Variants in PREP observed in about 807,000 individuals in gnomAD.
PREP encodes the protein prolyl endopeptidase.
A neutral mutation model predicts 87.6 loss-of-function variants in PREP; 29 were observed. That is an observed-to-expected ratio of 0.33 (90% CI 0.25 to 0.45). The LOEUF (loss-of-function observed/expected upper bound fraction) is 0.45, where lower values mean the gene tolerates loss of function less well. Ranked by LOEUF, PREP falls within the 20% of genes least tolerant of loss-of-function variation. PREP has a pLI of 1.00. For synonymous variants in PREP, 337 were observed against 328.6 expected (o/e 1.03, Z -0.28); for missense variants, 695 against 886.5 (o/e 0.78, Z 2.74).
At chr6:105,370,069 T>C (rs565812708) in intron 5 of PREP, among the ~76,000 whole-genome samples, 2 of 152,012 alleles carry the variant, frequency 1.3e-5, no homozygotes, top group African/African-American at 2.4e-5. Flanking sequence ...CTGACCAACA[T>C]GGTGAAATCC....
intron 2 of PREP, among the ~76,000 whole-genome samples, chr6:105,386,934 CG>C (rs1179505661): frequency 1.3e-5 from 2 of 152,118 alleles, no homozygotes; most frequent in Admixed American, 6.5e-5. Context: ...AAGCTAAGGC[CG>C]GGTGCGGTGT....
chr6:105,279,758 A>G (rs940486072), intron 14 of PREP, among the ~76,000 whole-genome samples: 1 of 152,234 alleles, frequency 6.6e-6, no homozygotes, highest in Non-Finnish European at 1.5e-5. Context: ...CAAGATTTGA[A>G]AACTGAAGAA....
intron 1 of PREP, among the ~76,000 whole-genome samples, chr6:105,402,279 C>T (rs577806321): frequency 1.3e-5 from 2 of 152,288 alleles, no homozygotes; most frequent in African/African-American, 4.8e-5. Flanking sequence ...CTCTGGCATC[C>T]CCAGGGCCCA....
At position 105,293,658 on chromosome 6, in the gene PREP, T is replaced by C. The variant is rs80281014; in HGVS notation, c.1318-4764A>G. On this transcript the variant is annotated intron_variant, in intron 10 of 14. Transcript: ENST00000652536. ...GAAGCTCAGTAAAATAAAGTATGCCTGTACATACAATATACATACGTATAA... is the reference window on the plus strand; with the variant it reads ...GAAGCTCAGTAAAATAAAGTATGCCCGTACATACAATATACATACGTATAA... 8.0e-3 allele frequency among the ~76,000 whole-genome samples: 1,217 copies of C among 151,984 alleles called. 42 individuals carry two copies. The East Asian group carries it at 0.1, about 13-fold the overall frequency.
chr6:105,328,723 G>T, intron 9 of PREP, 106 bp downstream of exon 9: 1 of 1,215,320 alleles, frequency 8.2e-7, no homozygotes, highest in Non-Finnish European at 1.2e-6. Flanking sequence ...CTATAATACA[G>T]CATATGTGAT....
chr6:105,340,787 CAAAG>C (rs1771625282), intron 7 of PREP, among the ~76,000 whole-genome samples: 1 of 152,102 alleles, frequency 6.6e-6, no homozygotes, highest in Admixed American at 6.5e-5. Context: ...TCAAAAGAGA[CAAAG>C]AAGGCCATTA....
Position 105,348,872 on chromosome 6 carries a change from C to T in PREP, c.823+4100G>A, listed in dbSNP as rs190318174. Among the ~76,000 whole-genome samples, 109 of 150,486 alleles carry T rather than the reference C, an allele frequency of 7.2e-4. 1 individual carries two copies. The highest frequency in any genetic ancestry group is 6.8e-3 in the Middle Eastern group (2 of 294). On this transcript the variant is annotated intron_variant, in intron 7 of 14. Transcript: ENST00000652536. ...CCAGCCTGGGTGACAGAGCAAGATT[C>T]CGTCTCAAAAAAAAAAAAAAAAGTA...
At chr6:105,402,658 C>G (rs1773466029) in intron 1 of PREP, among the ~76,000 whole-genome samples, 189 bp downstream of exon 1, 1 of 152,280 alleles carries the variant, frequency 6.6e-6, no homozygotes, top group Admixed American at 6.5e-5. Context: ...GCAGAGTGAC[C>G]GCCCGCGGGA....
chr6:105,396,385 G>C (rs897829721), intron 2 of PREP, among the ~76,000 whole-genome samples: 6 of 152,220 alleles, frequency 3.9e-5, no homozygotes, highest in Non-Finnish European at 8.8e-5. Flanking sequence ...AAGCAGGTGA[G>C]CCAGTGCTTG....
At chr6:105,299,599 TA>T (rs138776434) in intron 10 of PREP, among the ~76,000 whole-genome samples, 1 of 151,944 alleles carries the variant, frequency 6.6e-6, no homozygotes, top group African/African-American at 2.4e-5. Flanking sequence ...ACTCTGTCTT[TA>T]AAAAAAATAC....
intron 10 of PREP, among the ~76,000 whole-genome samples, chr6:105,317,237 T>C (rs111982151): frequency 3.9e-4 from 60 of 152,206 alleles, no homozygotes; most frequent in African/African-American, 1.3e-3. Context: ...GGATTCCAGC[T>C]ATAAGGCACT....
intron 5 of PREP, among the ~76,000 whole-genome samples, chr6:105,373,096 C>CA (rs1430115715): frequency 6.6e-6 from 1 of 152,226 alleles, no homozygotes; most frequent in Non-Finnish European, 1.5e-5. Context: ...AACTAACCTG[C>CA]AGCTGACCAC....
intron 9 of PREP, among the ~76,000 whole-genome samples, chr6:105,327,092 G>C (rs964186955): frequency 6.6e-6 from 1 of 152,128 alleles, no homozygotes; most frequent in African/African-American, 2.4e-5. Context: ...TTAAGAGCAG[G>C]TGAGTCACCC....
chr6:105,370,369 C>A (rs1772503876), intron 5 of PREP, among the ~76,000 whole-genome samples: 1 of 150,084 alleles, frequency 6.7e-6, no homozygotes, highest in Non-Finnish European at 1.5e-5. Flanking sequence ...GAATTCAGAA[C>A]CCTGATAGCA....
intron 10 of PREP, among the ~76,000 whole-genome samples, chr6:105,292,245 G>A (rs193115794): frequency 3.6e-4 from 55 of 152,232 alleles, no homozygotes; most frequent in African/African-American, 1.3e-3. Flanking sequence ...TCAGAGGAAC[G>A]TATGGCAACT....
rs1769868100 is a variant in PREP at position 105,273,470 on chromosome 6, A to G, written c.*4674T>C. On this transcript the variant is annotated 3_prime_UTR_variant, in exon 15 of 15. Transcript: ENST00000652536. ...CCACTAATCTACATTCTATCTTTAT[A>G]GAACTGCCTTTTCAGGATATTTCAC... 6.6e-6 allele frequency: 1 copy of G among 152,198 alleles called. No individual in the cohort carries two copies. The highest frequency in any genetic ancestry group is 2.4e-5 in the African/African-American group (1 of 41,440). The allele number at this position is 152,198 out of a possible 1,614,324, so 9.4% of individuals were successfully genotyped here.
chr6:105,391,165 G>C (rs1181231264), intron 2 of PREP, among the ~76,000 whole-genome samples: 1 of 151,342 alleles, frequency 6.6e-6, no homozygotes, highest in Non-Finnish European at 1.5e-5. Flanking sequence ...TGGATCACTT[G>C]AGGTCAGGAG....
chr6:105,340,388 G>A (rs1460312140), intron 7 of PREP, among the ~76,000 whole-genome samples: 1 of 152,116 alleles, frequency 6.6e-6, no homozygotes, highest in African/African-American at 2.4e-5. Context: ...AGCTCCTGAA[G>A]GAAGCACTAA....
intron 7 of PREP, among the ~76,000 whole-genome samples, chr6:105,336,017 G>A (rs191430322): frequency 6.6e-6 from 1 of 152,352 alleles, no homozygotes; most frequent in Non-Finnish European, 1.5e-5. Context: ...CAGAACTTCG[G>A]GAGGCCGAGG....
Sources: gnomAD v4.1 joint callset for allele counts (sites outside exome capture counted in the v4.1 genomes callset) on GRCh38, gnomAD v4.1.1 for gene constraint, MANE v1.5 for transcripts, NCBI Gene and HGNC (gene_info 2026-07-23, HGNC 2026-07-21) for gene names.